FOCAD: variants seen among roughly 807,000 people sequenced by gnomAD.
FOCAD encodes KIAA1797.
FOCAD carries 198 observed loss-of-function variants against 225.6 expected under a neutral mutation model. The observed-to-expected ratio is 0.88, with a 90% CI of 0.78 to 0.99. The LOEUF (loss-of-function observed/expected upper bound fraction) is 0.99. Among genes scored for constraint, FOCAD ranks in the 50% least tolerant of loss-of-function variants. The pLI is 0.00. For synonymous variants in FOCAD, 897 were observed against 755.0 expected (o/e 1.19, Z -3.08); for missense variants, 2,713 against 2,123.6 (o/e 1.28, Z -5.46).
chr9:20,779,011 G>T (rs537504481), intron 9 of FOCAD, among the ~76,000 whole-genome samples: 3 of 152,248 alleles, frequency 2.0e-5, no homozygotes, highest in Non-Finnish European at 4.4e-5. Context: ...TTATATGGCA[G>T]TAACATTCAG....
chr9:20,819,814 GT>G lies in FOCAD; in HGVS notation c.1478del (p.Leu493Ter). ...ATTTTAGGTGCCAAATCTGATTCCA[GT>G]TTTGATGTTCAAATTGGGAAGACCA... The part of the protein sequence containing the change: ...DSSQVPNLIP[V>X]LMFKLGRPLE... On this transcript the variant is annotated frameshift_variant, in exon 12 of 44. Transcript: ENST00000338382. LOFTEE classifies it high-confidence loss of function. 1 of 1,531,508 alleles carries G rather than the reference GT, an allele frequency of 6.5e-7. No individual in the cohort carries two copies. The highest frequency in any genetic ancestry group is 8.8e-7 in the Non-Finnish European group (1 of 1,141,550). 94.9% of individuals were successfully genotyped at this position (1,531,508 alleles called of 1,614,324 possible). A position where few individuals can be genotyped will look rare whatever the true frequency, so the allele number is the denominator to read the frequency against.
At chr9:20,919,553 T>C (rs1053774696) in intron 24 of FOCAD, among the ~76,000 whole-genome samples, 30 of 152,164 alleles carry the variant, frequency 2.0e-4, no homozygotes, top group Admixed American at 7.2e-4. Context: ...GCTACCTGAC[T>C]TCAAACTATA....
At chr9:20,895,687 A>G (rs1337532677) in intron 21 of FOCAD, among the ~76,000 whole-genome samples, 2 of 151,770 alleles carry the variant, frequency 1.3e-5, no homozygotes, top group South Asian at 2.1e-4. Flanking sequence ...CATTGCTGTC[A>G]TATAGGAAAG....
intron 11 of FOCAD, among the ~76,000 whole-genome samples, chr9:20,793,184 TAGCATCGATTATGCCTGGATAAAA>T (rs1820714168): frequency 6.6e-6 from 1 of 152,142 alleles, no homozygotes; most frequent in Admixed American, 6.5e-5. Context: ...CTGGTAACCA[TAGCATCGATTATGCCTGGATAAAA>T]ATTGGGATGA....
chr9:20,766,916 C>T (rs1255298095), intron 7 of FOCAD, among the ~76,000 whole-genome samples: 2 of 152,032 alleles, frequency 1.3e-5, no homozygotes, highest in African/African-American at 2.4e-5. Context: ...TGCTGGTGCA[C>T]TGCACCCACT....
chr9:20,785,566 T>C (rs1819832191), intron 10 of FOCAD, among the ~76,000 whole-genome samples: 1 of 152,186 alleles, frequency 6.6e-6, no homozygotes, highest in Admixed American at 6.5e-5. Context: ...TTGTCCATGT[T>C]GTAGCATGTG....
At chr9:20,922,365 G>C (rs1312729829) in intron 24 of FOCAD, among the ~76,000 whole-genome samples, 2 of 152,102 alleles carry the variant, frequency 1.3e-5, no homozygotes, top group African/African-American at 4.8e-5. Flanking sequence ...TGAACAAAAT[G>C]ATCAAGGCTT....
At chr9:20,875,106 C>G (rs1830126926) in intron 19 of FOCAD, 1 of 318,092 alleles carries the variant, frequency 3.1e-6, no homozygotes, top group South Asian at 3.9e-5. Flanking sequence ...TGAATTTGCA[C>G]TGGTACTCTA....
intron 21 of FOCAD, among the ~76,000 whole-genome samples, chr9:20,887,668 C>T (rs1296752113): frequency 6.6e-6 from 1 of 152,150 alleles, no homozygotes; most frequent in Non-Finnish European, 1.5e-5. Context: ...CCTGTGTGAA[C>T]ATTCATTTTT....
intron 26 of FOCAD, among the ~76,000 whole-genome samples, 154 bp downstream of exon 26, chr9:20,926,571 G>T (rs570739828): frequency 6.6e-6 from 1 of 152,088 alleles, no homozygotes; most frequent in Non-Finnish European, 1.5e-5. Flanking sequence ...ATCACCTGAG[G>T]TTGGGAGTTC....
intron 1 of FOCAD, among the ~76,000 whole-genome samples, chr9:20,695,458 C>T (rs773840578): frequency 6.6e-6 from 1 of 152,114 alleles, no homozygotes; most frequent in East Asian, 1.9e-4. Context: ...TTCTTAAGCC[C>T]GTAAACATGC....
intron 5 of FOCAD, among the ~76,000 whole-genome samples, chr9:20,749,614 G>A (rs774578484): frequency 2.0e-5 from 3 of 152,154 alleles, no homozygotes; most frequent in Non-Finnish European, 2.9e-5. Context: ...CATATTTGAT[G>A]TAGTAAGTGC....
intron 15 of FOCAD, among the ~76,000 whole-genome samples, chr9:20,830,696 G>A (rs1226807371): frequency 1.3e-5 from 2 of 151,800 alleles, no homozygotes; most frequent in South Asian, 2.1e-4. Context: ...TTTGTTTATC[G>A]AGATGGGGTC....
At chr9:20,822,830 A>T (rs1259780915) in intron 14 of FOCAD, among the ~76,000 whole-genome samples, 159 bp from the exon 15 acceptor site, 1 of 151,102 alleles carries the variant, frequency 6.6e-6, no homozygotes, top group Non-Finnish European at 1.5e-5. Context: ...ATCATGATGC[A>T]CATTTTTGAA....
intron 8 of FOCAD, among the ~76,000 whole-genome samples, chr9:20,776,585 C>G (rs1818781262): frequency 1.3e-5 from 2 of 152,222 alleles, no homozygotes; most frequent in South Asian, 4.1e-4. Flanking sequence ...TTCCATTCAC[C>G]CTCTATTCTG....
rs4977881 is a variant in FOCAD at position 20,988,427 on chromosome 9, A to G, written c.5002A>G (p.Lys1668Glu). The G allele has an allele frequency of 0.73, 1,144,319 of 1,565,126 alleles. 420,285 individuals carry two copies. Among genetic ancestry groups the G allele is most frequent in the East Asian group, 0.92 (40,435 of 44,118 alleles). Reference protein sequence around the residue: ...STSFHNTALDKALDFFLLIFA... With the variant: ...STSFHNTALDEALDFFLLIFA... ...ATCCTTTCACAATACGGCTCTTGACAAGGTAAAATCTAGAGGAGTAGTTTA... is the reference window on the plus strand; with the variant it reads ...ATCCTTTCACAATACGGCTCTTGACGAGGTAAAATCTAGAGGAGTAGTTTA... Residue 1668 changes from lysine (K) to glutamate (E), a missense_variant and splice_region_variant, in exon 41 of 44, where the codon AAG becomes GAG. Coordinates refer to ENST00000338382, the MANE Select transcript of FOCAD (RefSeq NM_001375567.1).
intron 24 of FOCAD, among the ~76,000 whole-genome samples, chr9:20,921,772 A>G (rs376953656): frequency 2.0e-5 from 3 of 152,244 alleles, no homozygotes; most frequent in African/African-American, 7.2e-5. Flanking sequence ...TGTCAAGACT[A>G]GTGAAGGATT....
chr9:20,794,080 C>T lies in FOCAD; in HGVS notation c.1455+4472C>T, dbSNP rs182119778. ...TTTATTTATGTCTCTTGAATTAAAC[C>T]ATGCCAGCTCCCTGCAACCAACTTG... On this transcript the variant is annotated intron_variant, in intron 11 of 43. Transcript: ENST00000338382. Among the ~76,000 whole-genome samples, 3 of 152,208 alleles carry T rather than the reference C, an allele frequency of 2.0e-5. No individual in the cohort carries two copies. The East Asian group carries it at 5.8e-4, about 29-fold the overall frequency.
chr9:20,876,686 T>C (rs1283823651), intron 19 of FOCAD, among the ~76,000 whole-genome samples: 1 of 152,148 alleles, frequency 6.6e-6, no homozygotes, highest in Non-Finnish European at 1.5e-5. Flanking sequence ...TCGTTGATTA[T>C]TAGAGAAGTA....
Sources: gnomAD v4.1 joint callset for allele counts (sites outside exome capture counted in the v4.1 genomes callset) on GRCh38, gnomAD v4.1.1 for gene constraint, MANE v1.5 for transcripts, NCBI Gene and HGNC (gene_info 2026-07-23, HGNC 2026-07-21) for gene names.